Variants in NFIB observed in about 807,000 individuals in gnomAD.
NFIB encodes the protein nuclear factor 1 B-type.
Under a neutral mutation model 61.5 loss-of-function variants are expected in NFIB, and 11 were observed. That is an observed-to-expected ratio of 0.18 (90% confidence interval 0.11 to 0.30). NFIB has a LOEUF of 0.30. NFIB is among the 10% of genes least tolerant of loss of function. The pLI is 1.00. For synonymous variants in NFIB, 260 were observed against 216.5 expected (o/e 1.20, Z -1.76); for missense variants, 471 against 608.9 (o/e 0.77, Z 2.38).
chr9:14,481,195 GTGTATATATA>G, the NFIB span, among the ~76,000 whole-genome samples: 456 of 35,054 alleles, frequency 0.013, 19 homozygotes, highest in East Asian at 0.032. Context: ...GTGTGTGTGT[GTGTATATATA>G]TATATATATA....
intron 9 of NFIB, 83 bp downstream of exon 9, chr9:14,116,125 C>G (rs1271249080): frequency 7.5e-7 from 1 of 1,338,688 alleles, no homozygotes; most frequent in East Asian, 3.0e-5. Flanking sequence ...CACCTTGGAT[C>G]AGATATCCAA....
At chr9:14,117,174 T>C (rs1288296523) in intron 8 of NFIB, among the ~76,000 whole-genome samples, 1 of 152,174 alleles carries the variant, frequency 6.6e-6, no homozygotes, top group Non-Finnish European at 1.5e-5. Context: ...CTTACATCCA[T>C]GGTGGTGCAT....
chr9:14,180,809 G>A (rs1428391255), intron 2 of NFIB: 2 of 152,318 alleles, frequency 1.3e-5, no homozygotes, highest in Admixed American at 6.5e-5. Flanking sequence ...GAATGCACTA[G>A]GCTTGCAGTA....
intron 1 of NFIB, among the ~76,000 whole-genome samples, chr9:14,395,098 G>A (rs924065339): frequency 6.6e-6 from 1 of 152,024 alleles, no homozygotes; most frequent in Non-Finnish European, 1.5e-5. Context: ...CTAGACTGGT[G>A]TCTGGTGGCT....
chr9:14,405,889 G>C, the NFIB span, among the ~76,000 whole-genome samples: 1 of 152,202 alleles, frequency 6.6e-6, no homozygotes, highest in Non-Finnish European at 1.5e-5. Flanking sequence ...ACTATGACTA[G>C]GGAAGAACCT....
At chr9:14,462,585 G>A in the NFIB span, among the ~76,000 whole-genome samples, 6 of 152,194 alleles carry the variant, frequency 3.9e-5, no homozygotes, top group African/African-American at 9.6e-5. Context: ...CCCGGCCACC[G>A]TATGGTATTC....
chr9:14,440,802 A>C, the NFIB span, among the ~76,000 whole-genome samples: 38 of 152,356 alleles, frequency 2.5e-4, no homozygotes, highest in African/African-American at 7.5e-4. Context: ...TGAAGTTTAT[A>C]ATCTGGGAAC....
chr9:14,302,951 T>C (rs928511524), intron 2 of NFIB, among the ~76,000 whole-genome samples: 9 of 152,288 alleles, frequency 5.9e-5, no homozygotes, highest in African/African-American at 1.7e-4. Context: ...ACCAAAATTA[T>C]TTTAGGCTTT....
At chr9:14,443,065 T>G in the NFIB span, among the ~76,000 whole-genome samples, 1 of 111,524 alleles carries the variant, frequency 9.0e-6, no homozygotes, top group Non-Finnish European at 1.7e-5. Flanking sequence ...TCTGCCTATA[T>G]GTGGTGTTGC....
intron 1 of NFIB, among the ~76,000 whole-genome samples, chr9:14,358,178 A>G (rs571045156): frequency 6.6e-6 from 1 of 150,550 alleles, no homozygotes; most frequent in African/African-American, 2.4e-5. Context: ...TACATAATTA[A>G]TATCTATTTA....
the NFIB span, among the ~76,000 whole-genome samples, chr9:14,418,601 G>A: frequency 2.0e-5 from 3 of 152,152 alleles, no homozygotes; most frequent in African/African-American, 4.8e-5. Flanking sequence ...TGTGAGCCCT[G>A]TGTCTCTACA....
chr9:14,447,437 G>A, the NFIB span, among the ~76,000 whole-genome samples: 4 of 152,114 alleles, frequency 2.6e-5, no homozygotes, highest in Non-Finnish European at 4.4e-5. Flanking sequence ...CATTCACCCG[G>A]TGGTACAATT....
At chr9:14,338,707 C>CTCTTCTTT (rs372472932) in intron 1 of NFIB, among the ~76,000 whole-genome samples, 9 of 152,078 alleles carry the variant, frequency 5.9e-5, no homozygotes, top group Admixed American at 3.9e-4. Context: ...TTAGGGTTTT[C>CTCTTCTTT]TCTTCTTTTC....
At chr9:14,377,777 G>T (rs2061437090) in intron 1 of NFIB, among the ~76,000 whole-genome samples, 1 of 152,326 alleles carries the variant, frequency 6.6e-6, no homozygotes, top group East Asian at 1.9e-4. Flanking sequence ...CTGGGTTATA[G>T]ATATCCTTTG....
chr9:14,380,504 A>C (rs112153137), intron 1 of NFIB, among the ~76,000 whole-genome samples: 3 of 152,216 alleles, frequency 2.0e-5, no homozygotes, highest in African/African-American at 4.8e-5. Context: ...TCCATATAGA[A>C]AACAAGGAAG....
At chr9:14,172,607 C>A (rs897699986) in intron 3 of NFIB, among the ~76,000 whole-genome samples, 2 of 152,144 alleles carry the variant, frequency 1.3e-5, no homozygotes, top group Non-Finnish European at 2.9e-5. Flanking sequence ...AGGCTTATAA[C>A]AACATTTGCT....
At chr9:14,397,713 G>A (rs560178454) in intron 1 of NFIB, among the ~76,000 whole-genome samples, 6 of 152,164 alleles carry the variant, frequency 3.9e-5, no homozygotes, top group Non-Finnish European at 8.8e-5. Context: ...GCAATATCAT[G>A]CCTAACCTTT....
intron 2 of NFIB, among the ~76,000 whole-genome samples, chr9:14,276,769 T>C (rs1417275145): frequency 6.6e-6 from 1 of 152,146 alleles, no homozygotes; most frequent in African/African-American, 2.4e-5. Context: ...GAAAGGTTTC[T>C]TAGGGACTGT....
At chr9:14,263,304 C>T (rs779678770) in intron 2 of NFIB, among the ~76,000 whole-genome samples, 9 of 150,154 alleles carry the variant, frequency 6.0e-5, no homozygotes, top group African/African-American at 2.2e-4. Flanking sequence ...ATAAAAGCTA[C>T]GAACTCAAGG....
Sources: allele counts gnomAD v4.1 joint callset (sites outside exome capture counted in the v4.1 genomes callset), GRCh38; gene constraint gnomAD v4.1.1; transcripts MANE v1.5; gene names NCBI Gene and HGNC (gene_info 2026-07-23, HGNC 2026-07-21).